The following SESN2 variants were observed in gnomAD, a reference collection of about 807,000 sequenced individuals.
SESN2 encodes the protein sestrin 2.
SESN2 carries 42 observed loss-of-function variants against 56.0 expected under a neutral mutation model. That is an observed-to-expected ratio of 0.75 (90% CI 0.59 to 0.97). The LOEUF (loss-of-function observed/expected upper bound fraction) is 0.97. SESN2 is among the 50% of genes least tolerant of loss of function. SESN2 has a pLI of 0.00. For missense variants in SESN2, 507 were observed against 649.4 expected (o/e 0.78, Z 2.38); for synonymous variants, 264 against 267.1 (o/e 0.99, Z 0.11).
intron 8 of SESN2, 21 bp downstream of exon 8, chr1:28,275,036 T>G (rs1286576804): frequency 6.3e-7 from 1 of 1,582,862 alleles, no homozygotes; most frequent in Non-Finnish European, 8.7e-7. Context: ...ATCCCTTCAT[T>G]TGGGGCATGT....
intron 1 of SESN2, among the ~76,000 whole-genome samples, chr1:28,264,505 C>T (rs1198279289): frequency 6.6e-6 from 1 of 152,006 alleles, no homozygotes; most frequent in African/African-American, 2.4e-5. Context: ...ACTGGTTCTC[C>T]CTCTGTCCCA....
At chr1:28,274,791 CA>C in intron 7 of SESN2, 33 bp from the exon 8 acceptor site, 1 of 1,561,404 alleles carries the variant, frequency 6.4e-7, no homozygotes, top group Non-Finnish European at 8.8e-7. Flanking sequence ...TCTTGGGCTC[CA>C]AAGACTCACC....
chr1:28,276,302 A>G (rs1648038383), intron 8 of SESN2, among the ~76,000 whole-genome samples: 1 of 152,020 alleles, frequency 6.6e-6, no homozygotes, highest in Non-Finnish European at 1.5e-5. Context: ...CAACATAATT[A>G]AGACCCATCT....
In SESN2 at chr1:28,279,181, A is replaced by C. The variant is rs746101724; in HGVS notation, c.1296A>C (p.Pro432=). 3 of 1,614,202 alleles carry C rather than the reference A, an allele frequency of 1.9e-6. No individual in the cohort carries two copies. In the South Asian group the frequency reaches 3.3e-5, roughly 18 times the overall value. The part of the protein sequence containing the change: ...KVYIKTVACY[P]EKTTRRMYNL... ...ATATCAAGACAGTGGCCTGCTACCC[A>C]GAGAAGACCACCCGAAGAATGTACA... Residue 432 remains proline (P), a synonymous_variant, in exon 9 of 10, where the codon CCA becomes CCC. Transcript: ENST00000253063.
At chr1:28,265,026 C>T (rs780723756) in intron 1 of SESN2, among the ~76,000 whole-genome samples, 8 of 152,212 alleles carry the variant, frequency 5.3e-5, no homozygotes, top group Non-Finnish European at 1.0e-4. Flanking sequence ...GCCTTCCTGC[C>T]TGAGTAGCCA....
chr1:28,280,894 C>T lies in SESN2; in HGVS notation c.*92C>T. 4 of 925,198 alleles carry T rather than the reference C, an allele frequency of 4.3e-6. No homozygotes were observed. Among genetic ancestry groups the T allele is most frequent in the South Asian group, 1.4e-5 (1 of 73,462 alleles). 57.3% of individuals were successfully genotyped at this position (925,198 alleles called of 1,614,324 possible). ...GACCCTTTTGTGTCCCATGCCCACC[C>T]TCCCCACGCTGCAGTGGGCTTGTGT... On this transcript the variant is annotated 3_prime_UTR_variant, in exon 10 of 10. Coordinates refer to ENST00000253063, the MANE Select transcript of SESN2 (RefSeq NM_031459.5).
chr1:28,268,321 G>C (rs1043658997), intron 1 of SESN2, among the ~76,000 whole-genome samples: 13 of 151,956 alleles, frequency 8.6e-5, no homozygotes, highest in African/African-American at 2.9e-4. Context: ...GCCAAGGCAG[G>C]AGGATCCATT....
Position 28,281,273 on chromosome 1 carries a change from A to G in SESN2, c.*471A>G, listed in dbSNP as rs1188582267. 6.4e-6 allele frequency: 1 copy of G among 156,630 alleles called. No homozygotes were observed. Among genetic ancestry groups the G allele is most frequent in the East Asian group, 1.9e-4 (1 of 5,292 alleles). The allele number at this position is 156,630 out of a possible 1,614,324, so 9.7% of individuals were successfully genotyped here. A position where few individuals can be genotyped will look rare whatever the true frequency, so the allele number is the denominator to read the frequency against. On this transcript the variant is annotated 3_prime_UTR_variant, in exon 10 of 10. Coordinates refer to ENST00000253063, the MANE Select transcript of SESN2 (RefSeq NM_031459.5). ...ATTACCTCCTACTTGCCATTCACCC[A>G]TCAATGTGAAAGTCAGGGTCACAGC...
chr1:28,265,882 A>G (rs143801099), intron 1 of SESN2, among the ~76,000 whole-genome samples: 1 of 152,184 alleles, frequency 6.6e-6, no homozygotes, highest in Non-Finnish European at 1.5e-5. Flanking sequence ...CAGCTCAAAG[A>G]CCACCTCCTC....
Position 28,280,944 on chromosome 1 carries a change from C to A in SESN2, c.*142C>A. On this transcript the variant is annotated 3_prime_UTR_variant, in exon 10 of 10. Coordinates refer to ENST00000253063, the MANE Select transcript of SESN2 (RefSeq NM_031459.5). ...TGTGATGTGCAGTCCCGAAGCCACA[C>A]CCTCCCTTTTCCTCACTGGAATGGA... The A allele has an allele frequency of 1.6e-6, 1 of 644,398 alleles. No individual in the cohort carries two copies. The highest frequency in any genetic ancestry group is 1.8e-5 in the South Asian group (1 of 56,110). The allele number at this position is 644,398 out of a possible 1,614,324, so 39.9% of individuals were successfully genotyped here. A position where few individuals can be genotyped will look rare whatever the true frequency, so the allele number is the denominator to read the frequency against.
chr1:28,267,028 G>A (rs1647582017), intron 1 of SESN2, among the ~76,000 whole-genome samples: 2 of 152,154 alleles, frequency 1.3e-5, no homozygotes, highest in African/African-American at 2.4e-5. Flanking sequence ...CTGATGGGCC[G>A]TCTCTGCCTC....
rs569311971 is a variant in SESN2, at chr1:28,272,297, A to G, written c.368A>G (p.His123Arg). The G allele has an allele frequency of 4.3e-6, 7 of 1,613,940 alleles. No homozygotes were observed. Among genetic ancestry groups the G allele is most frequent in the Non-Finnish European group, 5.9e-6 (7 of 1,179,942 alleles). Residue 123 changes from histidine to arginine, a missense_variant, in exon 4 of 10, where the codon CAT becomes CGT. Physicochemically the swap from His to Arg is conservative, Grantham distance 29 (BLOSUM62 0). Transcript: ENST00000253063. ...CTACCTCCGCAGGCTGCCGCCCGCC[A>G]TCAGTGTTCTTACCTGGTAGGCTCC... ...HYIAIMAAARHQCSYLVGSHM... is the reference protein window; with the variant it reads ...HYIAIMAAARRQCSYLVGSHM...
intron 1 of SESN2, among the ~76,000 whole-genome samples, chr1:28,261,252 T>C (rs1265408677): frequency 6.6e-6 from 1 of 152,186 alleles, no homozygotes; most frequent in African/African-American, 2.4e-5. Flanking sequence ...TCTGCCGTGA[T>C]TTAGGAGCGC....
At chr1:28,264,831 G>A (rs1206604291) in intron 1 of SESN2, among the ~76,000 whole-genome samples, 1 of 152,142 alleles carries the variant, frequency 6.6e-6, no homozygotes, top group Non-Finnish European at 1.5e-5. Flanking sequence ...AGGCACTGGG[G>A]TAACAACAAA....
At chr1:28,280,251 G>A (rs547599114) in intron 9 of SESN2, among the ~76,000 whole-genome samples, 1 of 152,236 alleles carries the variant, frequency 6.6e-6, no homozygotes, top group East Asian at 1.9e-4. Context: ...AGGTTGCTGG[G>A]AAGATAAAAT....
At chr1:28,265,587 G>T (rs1572091987) in intron 1 of SESN2, among the ~76,000 whole-genome samples, 2 of 152,170 alleles carry the variant, frequency 1.3e-5, no homozygotes, top group East Asian at 3.9e-4. Context: ...TAGAGACGGG[G>T]TTTCTCCATG....
chr1:28,268,218 G>C (rs1647626661), intron 1 of SESN2, among the ~76,000 whole-genome samples: 1 of 152,168 alleles, frequency 6.6e-6, no homozygotes, highest in African/African-American at 2.4e-5. Context: ...GTCCAGACAA[G>C]AGGGGGTGGT....
At chr1:28,273,801 G>A (rs533952768) in intron 6 of SESN2, among the ~76,000 whole-genome samples, 11 of 152,256 alleles carry the variant, frequency 7.2e-5, no homozygotes, top group South Asian at 2.1e-4. Flanking sequence ...AGGGGGAACC[G>A]CTCCATAAAT....
At chr1:28,277,031 C>T (rs1308204137) in intron 8 of SESN2, among the ~76,000 whole-genome samples, 3 of 151,748 alleles carry the variant, frequency 2.0e-5, no homozygotes, top group Non-Finnish European at 4.4e-5. Flanking sequence ...CCTCAGCCTC[C>T]TGAGTACCTG....
Sources: allele counts gnomAD v4.1 joint callset (sites outside exome capture counted in the v4.1 genomes callset), GRCh38; gene constraint gnomAD v4.1.1; transcripts MANE v1.5; gene names NCBI Gene and HGNC (gene_info 2026-07-23, HGNC 2026-07-21).